Variants in SCOC observed in about 807,000 individuals in gnomAD.
The protein encoded by SCOC is short coiled-coil protein.
Under a neutral mutation model 9.9 loss-of-function variants are expected in SCOC, and 7 were observed. The ratio of observed to expected loss-of-function variants is 0.71; its 90% confidence interval spans 0.40 to 1.33. SCOC has a LOEUF of 1.33. Among genes scored for constraint, SCOC ranks in the 40% most tolerant of loss-of-function variants. The pLI is 0.01. For missense variants in SCOC, 66 were observed against 89.7 expected (o/e 0.74, Z 1.07); for synonymous variants, 19 against 28.2 (o/e 0.67, Z 1.03).
chr4:140,370,306 G>A (rs1175662056), upstream of SCOC, among the ~76,000 whole-genome samples: 1 of 152,130 alleles, frequency 6.6e-6, no homozygotes, highest in East Asian at 1.9e-4. Context: ...AATTTTCCAA[G>A]TGCATTGGAA....
At chr4:140,302,430 A>G (rs1731838953) in intron 1 of SCOC, among the ~76,000 whole-genome samples, 1 of 152,218 alleles carries the variant, frequency 6.6e-6, no homozygotes, top group Non-Finnish European at 1.5e-5. Context: ...TCTTACCTTC[A>G]AAGAAGAGTT....
rs1481553517 is a variant in SCOC, at chr4:140,354,316, G to A, written c.70+10608G>A. Reference sequence around the variant, plus strand: ...AGTGGATTCCTGTCCCTTCTGCTTTGAGCCCTTTGCCATACTGTAAAAATG... The same window carrying A: ...AGTGGATTCCTGTCCCTTCTGCTTTAAGCCCTTTGCCATACTGTAAAAATG... On this transcript the variant is annotated intron_variant, in intron 2 of 4. Coordinates refer to the SCOC transcript ENST00000338517. 2.3e-4 allele frequency among the ~76,000 whole-genome samples: 35 copies of A among 151,872 alleles called. 1 individual carries two copies. The highest frequency in any genetic ancestry group is 2.3e-3 in the Admixed American group (35 of 15,232).
intron 2 of SCOC, among the ~76,000 whole-genome samples, chr4:140,355,211 T>TTA (rs34322076): frequency 0.02 from 1,201 of 61,210 alleles, 10 homozygotes; most frequent in Middle Eastern, 0.066. Context: ...CATTATATTT[T>TTA]TATATATATA....
intron 1 of SCOC, among the ~76,000 whole-genome samples, chr4:140,287,263 CA>C (rs1731307599): frequency 6.6e-6 from 1 of 151,646 alleles, no homozygotes; most frequent in Non-Finnish European, 1.5e-5. Flanking sequence ...GCTAAATGCG[CA>C]AATCATGTGC....
chr4:140,266,214 TTG>T (rs1245685478), intron 1 of SCOC, among the ~76,000 whole-genome samples: 1 of 152,082 alleles, frequency 6.6e-6, no homozygotes, highest in African/African-American at 2.4e-5. Flanking sequence ...TAGAAGATGA[TTG>T]TGTTGCCTGA....
At chr4:140,277,542 T>G (rs1560678717) in intron 1 of SCOC, among the ~76,000 whole-genome samples, 2 of 152,106 alleles carry the variant, frequency 1.3e-5, no homozygotes, top group African/African-American at 4.8e-5. Context: ...CATCAAGGAG[T>G]AACTTATCTT....
At chr4:140,369,294 T>C (rs1408688133), upstream of SCOC, 15 of 446,552 alleles carry the variant, frequency 3.4e-5, no homozygotes, top group East Asian at 7.1e-5. Context: ...ACAAATAGGT[T>C]ATATTCTTTA....
intron 1 of SCOC, among the ~76,000 whole-genome samples, chr4:140,322,868 C>A (rs1432377702): frequency 6.6e-6 from 1 of 152,200 alleles, no homozygotes; most frequent in African/African-American, 2.4e-5. Flanking sequence ...TTCATCAAGA[C>A]AACAAGAGAA....
intron 1 of SCOC, among the ~76,000 whole-genome samples, chr4:140,327,106 T>C (rs1458612467): frequency 6.6e-6 from 1 of 152,210 alleles, no homozygotes; most frequent in Non-Finnish European, 1.5e-5. Flanking sequence ...ATTTTCCTGT[T>C]CCCACCTGCA....
intron 1 of SCOC, among the ~76,000 whole-genome samples, chr4:140,292,044 A>G (rs912801979): frequency 2.0e-5 from 3 of 151,842 alleles, no homozygotes; most frequent in Non-Finnish European, 4.4e-5. Context: ...TGGAACGACC[A>G]CCCTCTGCCT....
intron 2 of SCOC, among the ~76,000 whole-genome samples, chr4:140,349,782 C>G (rs1726898365): frequency 6.6e-6 from 1 of 152,184 alleles, no homozygotes; most frequent in Non-Finnish European, 1.5e-5. Flanking sequence ...TTATTATCCC[C>G]AACACAAACC....
upstream of SCOC, chr4:140,369,379 G>A: frequency 3.1e-6 from 1 of 319,704 alleles, no homozygotes; most frequent in Non-Finnish European, 6.3e-6. Context: ...GAGTAAAAAA[G>A]AAAATGTGAG....
intron 1 of SCOC, among the ~76,000 whole-genome samples, chr4:140,315,312 T>C (rs902680684): frequency 6.6e-6 from 1 of 152,220 alleles, no homozygotes; most frequent in Admixed American, 6.5e-5. Context: ...ACATTTATTG[T>C]GTGATTCTTT....
intron 1 of SCOC, among the ~76,000 whole-genome samples, chr4:140,289,065 C>T (rs1293637874): frequency 1.3e-5 from 2 of 152,100 alleles, no homozygotes; most frequent in African/African-American, 4.8e-5. Flanking sequence ...ACACACAGAC[C>T]ATTAACACAG....
intron 2 of SCOC, among the ~76,000 whole-genome samples, chr4:140,364,179 A>G (rs899104321): frequency 6.6e-6 from 1 of 152,106 alleles, no homozygotes; most frequent in East Asian, 1.9e-4. Flanking sequence ...CAGGATTGCT[A>G]TAAGAAAGGC....
At chr4:140,303,247 T>A (rs1209309573) in intron 1 of SCOC, among the ~76,000 whole-genome samples, 1 of 152,128 alleles carries the variant, frequency 6.6e-6, no homozygotes, top group East Asian at 1.9e-4. Context: ...AGAAAAAAAA[T>A]TATTATTTGT....
At chr4:140,380,630 A>G (rs1347786416) in intron 3 of SCOC, among the ~76,000 whole-genome samples, 1 of 152,188 alleles carries the variant, frequency 6.6e-6, no homozygotes, top group Non-Finnish European at 1.5e-5. Flanking sequence ...TGTTAACCTG[A>G]TATATATCTT....
In SCOC at chr4:140,384,441, C is replaced by T. The variant is rs1004302075; in HGVS notation, c.*3337C>T. 1.3e-5 allele frequency: 2 copies of T among 152,148 alleles called. No individual in the cohort carries two copies. Among genetic ancestry groups the T allele is most frequent in the East Asian group, 1.9e-4 (1 of 5,174 alleles). 9.4% of individuals were successfully genotyped at this position (152,148 alleles called of 1,614,324 possible). ...TGACTAGTCCAGTTTTAGCAAAAAT[C>T]CTGCTAAATGAGTTTAGAGATAATC... On this transcript the variant is annotated 3_prime_UTR_variant, in exon 4 of 4. Coordinates refer to ENST00000608372, the MANE Select transcript of SCOC (RefSeq NM_001153484.2).
At chr4:140,365,873 C>T (rs1255406929) in intron 2 of SCOC, among the ~76,000 whole-genome samples, 1 of 152,120 alleles carries the variant, frequency 6.6e-6, no homozygotes, top group Non-Finnish European at 1.5e-5. Flanking sequence ...GTAGTGCTTC[C>T]AGTCAACATA....
Sources: allele counts gnomAD v4.1 joint callset (sites outside exome capture counted in the v4.1 genomes callset), GRCh38; gene constraint gnomAD v4.1.1; transcripts MANE v1.5; gene names NCBI Gene and HGNC (gene_info 2026-07-23, HGNC 2026-07-21).